VIRMA: variants seen among roughly 807,000 people sequenced by gnomAD.
VIRMA encodes protein virilizer homolog.
In VIRMA, 65 loss-of-function variants were observed where a neutral mutation model predicts 182.4. The ratio of observed to expected loss-of-function variants is 0.36; its 90% confidence interval spans 0.29 to 0.44. VIRMA has a LOEUF of 0.44. Ranked by LOEUF, VIRMA falls within the 20% of genes least tolerant of loss-of-function variation. The probability of loss-of-function intolerance (pLI) is 1.00; values close to 1 mark genes in which losing one functional copy is unlikely to be tolerated. For synonymous variants in VIRMA, 709 were observed against 743.1 expected (o/e 0.95, Z 0.75); for missense variants, 1,752 against 2,158.1 (o/e 0.81, Z 3.73).
chr8:94,530,240 C>A (rs1214805009), intron 6 of VIRMA, among the ~76,000 whole-genome samples: 2 of 152,110 alleles, frequency 1.3e-5, no homozygotes, highest in Non-Finnish European at 2.9e-5. Flanking sequence ...TGGCCAGGCA[C>A]TGTGGGTCAC....
intron 17 of VIRMA, chr8:94,497,256 C>T (rs986782920): frequency 2.0e-5 from 3 of 152,004 alleles, no homozygotes; most frequent in South Asian, 2.1e-4. Flanking sequence ...AAGCACGTGC[C>T]ACCATGCCCA....
intron 1 of VIRMA, among the ~76,000 whole-genome samples, chr8:94,545,331 A>T (rs528885827): frequency 6.6e-6 from 1 of 152,324 alleles, no homozygotes; most frequent in Admixed American, 6.5e-5. Context: ...AAGTGGTCAA[A>T]GTCCATCATG....
At chr8:94,542,352 G>A (rs534694241) in intron 2 of VIRMA, among the ~76,000 whole-genome samples, 3 of 152,140 alleles carry the variant, frequency 2.0e-5, no homozygotes, top group African/African-American at 7.2e-5. Context: ...TGGCAAAGAA[G>A]TGAAGCCTCC....
chr8:94,510,774 T>C lies in VIRMA; in HGVS notation c.3391-122A>G, dbSNP rs1814340829. The C allele has an allele frequency of 3.8e-6, 3 of 796,444 alleles. No homozygotes were observed. In the South Asian group the frequency reaches 5.6e-5, roughly 15 times the overall value. 49.3% of individuals were successfully genotyped at this position (796,444 alleles called of 1,614,324 possible). On this transcript the variant is annotated intron_variant, in intron 13 of 23. Coordinates refer to ENST00000297591, the MANE Select transcript of VIRMA (RefSeq NM_015496.5). ...TTTACTGCATGCTTAAAACATTTAA[T>C]TTTCTATTATACAGTTAAACATTTG...
intron 13 of VIRMA, 200 bp from the exon 14 acceptor site, chr8:94,510,852 T>C: frequency 1.2e-6 from 1 of 803,058 alleles, no homozygotes; most frequent in Non-Finnish European, 1.9e-6. Flanking sequence ...AGCAGTTAGT[T>C]GAGCAGAGTC....
chr8:94,494,283 T>A (rs750261950), intron 20 of VIRMA, among the ~76,000 whole-genome samples: 7 of 151,956 alleles, frequency 4.6e-5, no homozygotes, highest in African/African-American at 1.7e-4. Flanking sequence ...TGAGACTTTA[T>A]CTATATTAAA....
chr8:94,505,022 T>G (rs1363790670), intron 16 of VIRMA, among the ~76,000 whole-genome samples: 3 of 152,182 alleles, frequency 2.0e-5, no homozygotes, highest in Non-Finnish European at 4.4e-5. Flanking sequence ...GGAAAGCTTT[T>G]TGGCTTTTTT....
At chr8:94,504,197 A>T (rs1814079181) in intron 16 of VIRMA, among the ~76,000 whole-genome samples, 2 of 151,912 alleles carry the variant, frequency 1.3e-5, no homozygotes, top group African/African-American at 4.8e-5. Context: ...ATTAAAAAAA[A>T]AAAAACCCAG....
intron 23 of VIRMA, among the ~76,000 whole-genome samples, chr8:94,489,447 G>A (rs1813544180): frequency 6.6e-6 from 1 of 152,166 alleles, no homozygotes; most frequent in South Asian, 2.1e-4. Flanking sequence ...CTTCCAGAAT[G>A]AGAGTACAGT....
chr8:94,517,812 C>G lies in VIRMA; in HGVS notation c.2644G>C (p.Asp882His). 1 of 1,608,078 alleles carries G rather than the reference C, an allele frequency of 6.2e-7. No homozygotes were observed. The highest frequency in any genetic ancestry group is 8.5e-7 in the Non-Finnish European group (1 of 1,176,564). ...AASLLKLCKADENNAKLQELG... is the reference protein window; with the variant it reads ...AASLLKLCKAHENNAKLQELG... The stretch of plus-strand genomic sequence containing the variant: ...CCTTGCAATTTAGCATTATTTTCAT[C>G]TGCTTTACAAAGCTTCAAGAGAGAT... The change falls in exon 10 of 24, where the codon GAT becomes CAT. Residue 882 changes from aspartate (D) to histidine (H), a missense_variant. Around this residue, in one of 11 missense-constraint regions of VIRMA, gnomAD observed 777 missense variants for 920.6 expected, o/e 0.84. Transcript: ENST00000297591.
rs1376482214 is a variant in VIRMA, at chr8:94,544,548, C to T, written c.64-606G>A. Among the ~76,000 whole-genome samples, 3 of 150,064 alleles carry T rather than the reference C, an allele frequency of 2.0e-5. No individual in the cohort carries two copies. The South Asian group carries it at 6.5e-4, about 32-fold the overall frequency. ...CAGTGGCGGGCACCTGTAGTCCCAG[C>T]TACTTGGGAGGTTGAGGCAGGAGAA... is the stretch of plus-strand genomic sequence containing the variant. On this transcript the variant is annotated intron_variant, in intron 1 of 23. Coordinates refer to ENST00000297591, the MANE Select transcript of VIRMA (RefSeq NM_015496.5).
At position 94,527,172 on chromosome 8, in the gene VIRMA, T is replaced by C. The variant is rs200480830; in HGVS notation, c.1072A>G (p.Thr358Ala). 2.5e-6 allele frequency: 4 copies of C among 1,614,098 alleles called. No individual in the cohort carries two copies. Among genetic ancestry groups the C allele is most frequent in the East Asian group, 2.2e-5 (1 of 44,872 alleles). Residue 358 changes from threonine (T) to alanine (A), a missense_variant, in exon 8 of 24, where the codon ACT (threonine) becomes GCT (alanine). By Grantham distance (58) the Thr-to-Ala change is moderately conservative. Transcript: ENST00000297591. Reference protein sequence around the residue: ...LLYFSCPYKTTFEIEISRMKD... With the variant: ...LLYFSCPYKTAFEIEISRMKD... Reference sequence around the variant, plus strand: ...ATTCTACTGATTTCAATTTCAAAAGTAGTCTTGTATGGACAACTGAAGTAT... The same window carrying C: ...ATTCTACTGATTTCAATTTCAAAAGCAGTCTTGTATGGACAACTGAAGTAT...
chr8:94,501,355 T>C (rs1813981756), intron 16 of VIRMA, among the ~76,000 whole-genome samples: 1 of 148,056 alleles, frequency 6.8e-6, no homozygotes, highest in Non-Finnish European at 1.5e-5. Context: ...AAATGAACCA[T>C]ATAACCAAAC....
At chr8:94,489,788 G>A (rs1813553345) in intron 23 of VIRMA, 151 bp downstream of exon 23, 2 of 761,794 alleles carry the variant, frequency 2.6e-6, no homozygotes, top group Non-Finnish European at 4.1e-6. Context: ...AAGTTTTGGG[G>A]AAGTCAAAGT....
chr8:94,492,400 C>T (rs1813632835), intron 21 of VIRMA, among the ~76,000 whole-genome samples: 1 of 151,704 alleles, frequency 6.6e-6, no homozygotes. Flanking sequence ...TCTCCTGCCT[C>T]AGCCTCCCGA....
At chr8:94,523,072 A>C (rs1055646865) in intron 8 of VIRMA, among the ~76,000 whole-genome samples, 1 of 152,162 alleles carries the variant, frequency 6.6e-6, no homozygotes, top group Non-Finnish European at 1.5e-5. Context: ...ACTAAAAATA[A>C]AGTTGTTAGT....
chr8:94,491,112 G>C (rs1331899472), intron 22 of VIRMA, among the ~76,000 whole-genome samples: 2 of 145,096 alleles, frequency 1.4e-5, no homozygotes, highest in African/African-American at 2.7e-5. Flanking sequence ...TCAGGAGTTT[G>C]AGACTAGCCT....
In VIRMA at chr8:94,506,725, G is replaced by C; in HGVS notation, c.3880-8C>G. The C allele has an allele frequency of 6.4e-7, 1 of 1,574,228 alleles. No individual in the cohort carries two copies. Among genetic ancestry groups the C allele is most frequent in the Non-Finnish European group, 8.6e-7 (1 of 1,157,952 alleles). On this transcript the variant is annotated splice_region_variant and splice_polypyrimidine_tract_variant and intron_variant, in intron 15 of 23. Coordinates refer to ENST00000297591, the MANE Select transcript of VIRMA (RefSeq NM_015496.5). ...TAAGATAAGTGCAATGTCCTGTGGG[G>C]AGCAGGGAAAAAAAAATCGATTTTT...
chr8:94,530,615 C>A (rs751531768), intron 6 of VIRMA, among the ~76,000 whole-genome samples: 2 of 152,110 alleles, frequency 1.3e-5, no homozygotes, highest in Non-Finnish European at 2.9e-5. Context: ...GATTTCTTTT[C>A]TTAATCAAAA....
Sources: gnomAD v4.1 joint callset for allele counts (sites outside exome capture counted in the v4.1 genomes callset) on GRCh38, gnomAD v4.1.1 for gene constraint, gnomAD v4.1.1 regional missense constraint, MANE v1.5 for transcripts, NCBI Gene and HGNC (gene_info 2026-07-23, HGNC 2026-07-21) for gene names.